Variants in GSG1L observed in about 807,000 individuals in gnomAD.
GSG1L encodes GSG1 like.
Under a neutral mutation model 42.1 loss-of-function variants are expected in GSG1L, and 24 were observed. That is an observed-to-expected ratio of 0.57 (90% CI 0.41 to 0.80). GSG1L has a LOEUF of 0.80. Among genes scored for constraint, GSG1L ranks in the 30% least tolerant of loss-of-function variants. The pLI, the probability that GSG1L is intolerant of heterozygous loss-of-function variation, is 0.00. For missense variants in GSG1L, 445 were observed against 472.2 expected (o/e 0.94, Z 0.53); for synonymous variants, 215 against 203.5 (o/e 1.06, Z -0.48).
In GSG1L at chr16:27,888,482, CCTT is replaced by C. The variant is rs2084070492; in HGVS notation, c.398-3847_398-3845del. Among the ~76,000 whole-genome samples the C allele has an allele frequency of 1.1e-3, 76 of 68,846 alleles. 10 individuals carry two copies. The highest frequency in any genetic ancestry group is 3.9e-3 in the African/African-American group (55 of 14,148). 45.2% of individuals were successfully genotyped at this position (68,846 alleles called of 152,430 possible). ...TTTCTTTCTCTCTCTCTCTCTCTTT[CCTT>C]TCTTTCTTTCTTTCTTTCTTTCTTT... is the stretch of plus-strand genomic sequence containing the variant. On this transcript the variant is annotated intron_variant, in intron 2 of 6. Coordinates refer to ENST00000447459, the MANE Select transcript of GSG1L (RefSeq NM_001109763.2).
intron 1 of GSG1L, among the ~76,000 whole-genome samples, chr16:28,002,878 A>G (rs935207939): frequency 6.6e-6 from 1 of 152,176 alleles, no homozygotes; most frequent in Non-Finnish European, 1.5e-5. Context: ...CGGAGCTTGC[A>G]GTGAGCCCAG....
intron 2 of GSG1L, among the ~76,000 whole-genome samples, chr16:27,958,596 C>A (rs377102314): frequency 1.3e-5 from 2 of 151,984 alleles, no homozygotes; most frequent in African/African-American, 4.8e-5. Flanking sequence ...ACTGATAAAC[C>A]AAACCATTCA....
chr16:27,997,660 T>C (rs573982938), intron 1 of GSG1L, among the ~76,000 whole-genome samples: 1 of 152,088 alleles, frequency 6.6e-6, no homozygotes, highest in Non-Finnish European at 1.5e-5. Flanking sequence ...TTGTTTTCTA[T>C]TGTTGATTTT....
intron 2 of GSG1L, among the ~76,000 whole-genome samples, chr16:27,934,790 G>A (rs2084695819): frequency 6.6e-6 from 1 of 152,136 alleles, no homozygotes; most frequent in Admixed American, 6.6e-5. Flanking sequence ...GAGGACCAAA[G>A]TGGCACCTAT....
intron 1 of GSG1L, among the ~76,000 whole-genome samples, chr16:27,987,421 C>G (rs561524125): frequency 8.5e-5 from 13 of 152,298 alleles, no homozygotes; most frequent in African/African-American, 2.9e-4. Context: ...ATTCTAGACT[C>G]TAAGCAAATG....
At chr16:28,054,281 C>G (rs1021990798) in intron 1 of GSG1L, among the ~76,000 whole-genome samples, 5 of 152,202 alleles carry the variant, frequency 3.3e-5, no homozygotes, top group African/African-American at 4.8e-5. Context: ...ATCCCCAGTC[C>G]CCACCATCGG....
intron 2 of GSG1L, among the ~76,000 whole-genome samples, chr16:27,924,735 T>C (rs924296408): frequency 6.6e-6 from 1 of 152,230 alleles, no homozygotes; most frequent in Admixed American, 6.5e-5. Flanking sequence ...TCTCTGGAGT[T>C]GATTAATTTT....
chr16:27,871,356 T>A (rs986512455), intron 3 of GSG1L, among the ~76,000 whole-genome samples: 1 of 151,992 alleles, frequency 6.6e-6, no homozygotes, highest in Non-Finnish European at 1.5e-5. Flanking sequence ...ATAAATTAAT[T>A]TGGGGCCGGG....
intron 2 of GSG1L, among the ~76,000 whole-genome samples, chr16:27,910,918 C>A (rs1298319642): frequency 6.6e-6 from 1 of 152,156 alleles, no homozygotes; most frequent in Non-Finnish European, 1.5e-5. Flanking sequence ...GAGGCTGAGG[C>A]AGGAGGATTG....
At chr16:28,058,122 G>C (rs899839074) in intron 1 of GSG1L, among the ~76,000 whole-genome samples, 1 of 152,198 alleles carries the variant, frequency 6.6e-6, no homozygotes, top group Non-Finnish European at 1.5e-5. Flanking sequence ...GAGCCTGAGT[G>C]AGCTGGGCTG....
chr16:28,007,116 G>A (rs139396522), intron 1 of GSG1L, among the ~76,000 whole-genome samples: 178 of 152,232 alleles, frequency 1.2e-3, no homozygotes, highest in Non-Finnish European at 2.3e-3. Context: ...CCTAATCCTC[G>A]GAATCTGTGA....
intron 4 of GSG1L, among the ~76,000 whole-genome samples, chr16:27,837,439 G>C (rs143459887): frequency 6.6e-6 from 1 of 152,268 alleles, no homozygotes; most frequent in Non-Finnish European, 1.5e-5. Context: ...CCAGGTGAGG[G>C]TGGGGGTGGG....
At chr16:27,828,728 A>G in intron 5 of GSG1L, 61 bp downstream of exon 5, 1 of 1,518,048 alleles carries the variant, frequency 6.6e-7, no homozygotes, top group Non-Finnish European at 9.0e-7. Context: ...GTGGCCACTG[A>G]GGCCAGGCCG....
intron 2 of GSG1L, among the ~76,000 whole-genome samples, chr16:27,945,577 G>A (rs1348550419): frequency 6.6e-6 from 1 of 152,114 alleles, no homozygotes; most frequent in African/African-American, 2.4e-5. Flanking sequence ...AAGAGACAGA[G>A]GACTTTTTAA....
chr16:27,830,949 C>T (rs1383097649), intron 4 of GSG1L, among the ~76,000 whole-genome samples: 1 of 152,280 alleles, frequency 6.6e-6, no homozygotes, highest in African/African-American at 2.4e-5. Context: ...TCACTCCCTT[C>T]TTCTCAGGCC....
At chr16:28,030,823 TG>T in intron 1 of GSG1L, among the ~76,000 whole-genome samples, 1 of 126,780 alleles carries the variant, frequency 7.9e-6, no homozygotes, top group East Asian at 2.4e-4. Context: ...TGGGATGGGT[TG>T]AGATGGGGTG....
intron 1 of GSG1L, among the ~76,000 whole-genome samples, chr16:28,033,243 C>T (rs561215414): frequency 6.6e-6 from 1 of 152,356 alleles, no homozygotes; most frequent in South Asian, 2.1e-4. Flanking sequence ...GTGTCACCTC[C>T]TTGGAGAAGC....
intron 2 of GSG1L, among the ~76,000 whole-genome samples, chr16:27,928,726 G>T (rs1448751886): frequency 6.6e-6 from 1 of 152,180 alleles, no homozygotes; most frequent in African/African-American, 2.4e-5. Context: ...AGTTTAACCT[G>T]TGTGGCTTTG....
At chr16:27,799,481 G>A (rs1181263031) in intron 6 of GSG1L, among the ~76,000 whole-genome samples, 1 of 152,178 alleles carries the variant, frequency 6.6e-6, no homozygotes, top group Admixed American at 6.6e-5. Flanking sequence ...GGATATCAAG[G>A]CTGCAGTGAA....
Sources: gnomAD v4.1 joint callset for allele counts (sites outside exome capture counted in the v4.1 genomes callset) on GRCh38, gnomAD v4.1.1 for gene constraint, MANE v1.5 for transcripts, NCBI Gene and HGNC (gene_info 2026-07-23, HGNC 2026-07-21) for gene names.